The following AFAP1L2 variants were observed in gnomAD, a reference collection of about 807,000 sequenced individuals.
The protein encoded by AFAP1L2 is actin filament-associated protein 1-like 2.
Under a neutral mutation model 99.3 loss-of-function variants are expected in AFAP1L2, and 46 were observed. The ratio of observed to expected loss-of-function variants is 0.46; its 90% CI spans 0.37 to 0.59. The LOEUF is 0.59. Ranked by LOEUF, AFAP1L2 falls within the 20% of genes least tolerant of loss-of-function variation. AFAP1L2 has a pLI of 0.00. For missense variants in AFAP1L2, 959 were observed against 1,034.9 expected (o/e 0.93, Z 1.01); for synonymous variants, 397 against 419.1 (o/e 0.95, Z 0.64).
intron 18 of AFAP1L2, 132 bp downstream of exon 18, chr10:114,296,846 T>TC: frequency 6.7e-7 from 1 of 1,488,392 alleles, no homozygotes; most frequent in Non-Finnish European, 9.2e-7. Context: ...CCATGGCCAC[T>TC]CCTTGGTGAG....
intron 1 of AFAP1L2, among the ~76,000 whole-genome samples, chr10:114,372,401 G>A (rs940600509): frequency 2.0e-5 from 3 of 152,124 alleles, no homozygotes; most frequent in African/African-American, 7.2e-5. Context: ...CACAGGGCTG[G>A]GCCGGGTAGG....
At chr10:114,344,580 C>T (rs1013342197) in intron 1 of AFAP1L2, among the ~76,000 whole-genome samples, 1 of 152,228 alleles carries the variant, frequency 6.6e-6, no homozygotes, top group African/African-American at 2.4e-5. Context: ...GTGGAAAGTG[C>T]TGGGCCTGGC....
chr10:114,298,639 A>C (rs2040624515), intron 16 of AFAP1L2, among the ~76,000 whole-genome samples: 1 of 151,946 alleles, frequency 6.6e-6, no homozygotes, highest in African/African-American at 2.4e-5. Flanking sequence ...CCTTGGGCTC[A>C]GGAGCTCTAG....
chr10:114,297,812 G>A (rs1447503659), intron 16 of AFAP1L2, among the ~76,000 whole-genome samples: 3 of 152,140 alleles, frequency 2.0e-5, no homozygotes, highest in South Asian at 2.1e-4. Flanking sequence ...GCTTCCCTAC[G>A]CCTAACAGAG....
At chr10:114,286,070 GACT>G in the AFAP1L2 span, 1 of 1,614,150 alleles carries the variant, frequency 6.2e-7, no homozygotes, top group Non-Finnish European at 8.5e-7. Context: ...GCTGAGCGAG[GACT>G]CTCGGGCCCG....
At chr10:114,294,122 T>C (rs984698181), downstream of AFAP1L2, among the ~76,000 whole-genome samples, 4 of 152,200 alleles carry the variant, frequency 2.6e-5, no homozygotes, top group African/African-American at 9.6e-5. Context: ...CTTGATTTTT[T>C]TGGATAAACT....
At chr10:114,285,971 C>T in the AFAP1L2 span, 1 of 1,608,804 alleles carries the variant, frequency 6.2e-7, no homozygotes, top group Non-Finnish European at 8.5e-7. Context: ...CAGGGTCGAC[C>T]TCCTCTTCCT....
At chr10:114,299,958 G>C (rs112357034) in intron 15 of AFAP1L2, among the ~76,000 whole-genome samples, 44 of 152,322 alleles carry the variant, frequency 2.9e-4, no homozygotes, top group African/African-American at 1.1e-3. Flanking sequence ...CAGACTGAAG[G>C]CTGCACTGTC....
chr10:114,362,109 G>A (rs2052518731), intron 1 of AFAP1L2, among the ~76,000 whole-genome samples: 1 of 152,178 alleles, frequency 6.6e-6, no homozygotes. Flanking sequence ...TTGAGCCTTG[G>A]TTTCCATGCC....
At chr10:114,310,952 G>GCCCCCCCCC (rs1554887399) in intron 7 of AFAP1L2, among the ~76,000 whole-genome samples, 13 of 133,806 alleles carry the variant, frequency 9.7e-5, no homozygotes, top group South Asian at 2.5e-4. Flanking sequence ...CTCGCCTGCC[G>GCCCCCCCCC]CCACCCACCC....
At position 114,300,499 on chromosome 10, in the gene AFAP1L2, T is replaced by C; in HGVS notation, c.1734A>G (p.Pro578=). The part of the protein sequence containing the change: ...ATEALPADSG[P]GPTPDEPCIK... ...TGCAGGGCTCATCTGGGGTGGGACCTGGGCCTGAGTCTGCCGGGAGGGCCT... is the reference window on the plus strand; with the variant it reads ...TGCAGGGCTCATCTGGGGTGGGACCCGGGCCTGAGTCTGCCGGGAGGGCCT... Residue 578 remains proline, a synonymous_variant, in exon 14 of 19, where the codon CCA becomes CCG. Coordinates refer to ENST00000304129, the MANE Select transcript of AFAP1L2 (RefSeq NM_001001936.3). 6.2e-7 allele frequency: 1 copy of C among 1,614,102 alleles called. No homozygotes were observed. The highest frequency in any genetic ancestry group is 8.5e-7 in the Non-Finnish European group (1 of 1,180,014).
intron 10 of AFAP1L2, among the ~76,000 whole-genome samples, chr10:114,305,942 G>C (rs1484117945): frequency 9.2e-6 from 1 of 108,562 alleles, no homozygotes. Flanking sequence ...GGGGCTGCAG[G>C]AGGAGATGCA....
At chr10:114,345,882 A>G (rs922283128) in intron 1 of AFAP1L2, among the ~76,000 whole-genome samples, 3 of 142,894 alleles carry the variant, frequency 2.1e-5, no homozygotes, top group Non-Finnish European at 4.6e-5. Flanking sequence ...AGATGCGGAA[A>G]GCCATCAGAC....
intron 1 of AFAP1L2, among the ~76,000 whole-genome samples, chr10:114,378,955 T>C (rs1344534584): frequency 6.6e-6 from 1 of 152,102 alleles, no homozygotes; most frequent in Non-Finnish European, 1.5e-5. Context: ...CTCATGCCTG[T>C]AATCCCAGTA....
At chr10:114,376,055 TAAA>T (rs544980574) in intron 1 of AFAP1L2, among the ~76,000 whole-genome samples, 2 of 152,164 alleles carry the variant, frequency 1.3e-5, no homozygotes, top group Non-Finnish European at 2.9e-5. Flanking sequence ...GGAACAAATA[TAAA>T]AATTTTAAAT....
intron 18 of AFAP1L2, chr10:114,296,382 G>A (rs986547401): frequency 1.3e-5 from 5 of 389,312 alleles, no homozygotes; most frequent in African/African-American, 4.1e-5. Flanking sequence ...CAGGTAAGGA[G>A]GATAGGAATA....
Position 114,295,856 on chromosome 10 carries a change from T to C in AFAP1L2, c.*186A>G. 1 of 1,437,520 alleles carries C rather than the reference T, an allele frequency of 7.0e-7. No homozygotes were observed. 89.0% of individuals were successfully genotyped at this position (1,437,520 alleles called of 1,614,324 possible). A position where few individuals can be genotyped will look rare whatever the true frequency, so the allele number is the denominator to read the frequency against. On this transcript the variant is annotated 3_prime_UTR_variant, in exon 19 of 19. Transcript: ENST00000304129. The stretch of plus-strand genomic sequence containing the variant: ...CTCCAAAGAAGCCTCCTTTTTGTTG[T>C]ATTATTTCCTTTGGCTCTGAAAAGG...
chr10:114,335,210 GC>G (rs2135715854), intron 2 of AFAP1L2, among the ~76,000 whole-genome samples: 1 of 152,222 alleles, frequency 6.6e-6, no homozygotes, highest in South Asian at 2.1e-4. Flanking sequence ...CTTTGACCCA[GC>G]ATTTCTACTG....
At chr10:114,372,022 C>T (rs906498189) in intron 1 of AFAP1L2, among the ~76,000 whole-genome samples, 9 of 152,166 alleles carry the variant, frequency 5.9e-5, no homozygotes, top group Non-Finnish European at 1.3e-4. Flanking sequence ...ATTAACTTCT[C>T]CCCAGCAAGT....
Sources: allele counts gnomAD v4.1 joint callset (sites outside exome capture counted in the v4.1 genomes callset), GRCh38; gene constraint gnomAD v4.1.1; transcripts MANE v1.5; gene names NCBI Gene and HGNC (gene_info 2026-07-23, HGNC 2026-07-21).